Variants in IQCH observed in about 807,000 individuals in gnomAD.
IQCH encodes the protein IQ domain-containing protein H.
Under a neutral mutation model 117.0 loss-of-function variants are expected in IQCH, and 98 were observed. That is an observed-to-expected ratio of 0.84 (90% CI 0.71 to 0.99). The LOEUF is 0.99. Among genes scored for constraint, IQCH ranks in the 50% least tolerant of loss-of-function variants. The pLI is 0.00. For synonymous variants in IQCH, 412 were observed against 448.2 expected (o/e 0.92, Z 1.02); for missense variants, 1,102 against 1,243.8 (o/e 0.89, Z 1.72).
In IQCH at chr15:67,443,757, G is replaced by C. The variant is rs932032925; in HGVS notation, c.2506-21370G>C. On this transcript the variant is annotated intron_variant, in intron 16 of 20. Transcript: ENST00000335894. The surrounding 1 kb of genome is among the most constrained non-coding windows in gnomAD (Gnocchi z 5.0). ...CACTTCATCCTCTAGCCCTAGCTCAGATCTGAAGTATAGCACTGATGGCCA... is the reference window on the plus strand; with the variant it reads ...CACTTCATCCTCTAGCCCTAGCTCACATCTGAAGTATAGCACTGATGGCCA... Among the ~76,000 whole-genome samples the C allele has an allele frequency of 6.6e-6, 1 of 152,164 alleles. No individual in the cohort carries two copies. Among genetic ancestry groups the C allele is most frequent in the Non-Finnish European group, 1.5e-5 (1 of 68,036 alleles).
chr15:67,304,508 A>T, intron 4 of IQCH: 2 of 873,706 alleles, frequency 2.3e-6, no homozygotes, highest in Non-Finnish European at 3.5e-6. Flanking sequence ...AATAAAAGTC[A>T]TTTATTAGTA....
intron 1 of IQCH, among the ~76,000 whole-genome samples, chr15:67,258,186 T>G (rs1237003648): frequency 7.4e-6 from 1 of 135,436 alleles, no homozygotes; most frequent in Non-Finnish European, 1.6e-5. Context: ...GAGCCGAGAT[T>G]GCACCAGTAC....
rs184518155 is a variant in IQCH at position 67,337,840 on chromosome 15, A to G, written c.508+745A>G. ...TTAATTATTCCTTATCTCGCCTTCT[A>G]TCTGTTGTCTGGAATTTTTAGGACC... On this transcript the variant is annotated intron_variant, in intron 5 of 20. Coordinates refer to ENST00000335894, the MANE Select transcript of IQCH (RefSeq NM_001031715.3). Among the ~76,000 whole-genome samples, 49 of 152,254 alleles carry G rather than the reference A, an allele frequency of 3.2e-4. 1 individual carries two copies. The East Asian group carries it at 8.7e-3, about 27-fold the overall frequency.
intron 10 of IQCH, chr15:67,373,899 G>T: frequency 5.3e-6 from 1 of 188,454 alleles, no homozygotes; most frequent in Non-Finnish European, 1.1e-5. Flanking sequence ...ACGAGCAGAT[G>T]GGATGCTTTA....
intron 4 of IQCH, among the ~76,000 whole-genome samples, chr15:67,298,194 G>C (rs1431666499): frequency 6.6e-6 from 1 of 151,536 alleles, no homozygotes; most frequent in African/African-American, 2.4e-5. Context: ...TGTAATCCCA[G>C]CTACTTGGGA....
chr15:67,458,937 T>C lies in IQCH; in HGVS notation c.2506-6190T>C, dbSNP rs185905656. Among the ~76,000 whole-genome samples, 5 of 152,344 alleles carry C rather than the reference T, an allele frequency of 3.3e-5. No homozygotes were observed. The highest frequency in any genetic ancestry group is 1.2e-4 in the African/African-American group (5 of 41,578). On this transcript the variant is annotated intron_variant, in intron 16 of 20. Coordinates refer to ENST00000335894, the MANE Select transcript of IQCH (RefSeq NM_001031715.3). This position sits in a 1 kb window ranked among gnomAD's most constrained non-coding sequence, Gnocchi z 4.1. ...ACTGCATGTCTCAGAGTTGGCTTAT[T>C]TGGAGTGCCTGTCTTTTTAAAAATT...
At chr15:67,378,131 C>T (rs1757430424) in intron 10 of IQCH, among the ~76,000 whole-genome samples, 1 of 152,068 alleles carries the variant, frequency 6.6e-6, no homozygotes, top group Non-Finnish European at 1.5e-5. Flanking sequence ...GCTCTTCTGC[C>T]AAGAGATAAA....
intron 4 of IQCH, among the ~76,000 whole-genome samples, chr15:67,316,622 G>A (rs530283836): frequency 4.6e-5 from 7 of 152,298 alleles, no homozygotes; most frequent in African/African-American, 1.2e-4. Context: ...TGGGCATGGT[G>A]TTAAGTACAC....
At position 67,387,942 on chromosome 15, in the gene IQCH, A is replaced by G. The variant is rs117862906; in HGVS notation, c.1457-889A>G. 9.8e-3 allele frequency among the ~76,000 whole-genome samples: 1,485 copies of G among 152,242 alleles called. 12 individuals are homozygous for G. The highest frequency in any genetic ancestry group is 0.017 in the Non-Finnish European group (1,140 of 68,014). On this transcript the variant is annotated intron_variant, in intron 11 of 20. Transcript: ENST00000335894. This position sits in a 1 kb window ranked among gnomAD's most constrained non-coding sequence, Gnocchi z 4.8. ...GTGCTCCCTCCTCTGAACTTCTCTA[A>G]GTACCTGGTCTGCATGCTTCATCGT...
rs1596387686 is a variant in IQCH at position 67,443,430 on chromosome 15, G to C, written c.2506-21697G>C. Among the ~76,000 whole-genome samples, 1 of 152,156 alleles carries C rather than the reference G, an allele frequency of 6.6e-6. No homozygotes were observed. The highest frequency in any genetic ancestry group is 2.1e-4 in the South Asian group (1 of 4,830). ...ATCGACTTTGGGGACTTGGGGGAAA[G>C]AGTGGGAGGGGGTGAGGGACAAAAG... On this transcript the variant is annotated intron_variant, in intron 16 of 20. Coordinates refer to ENST00000335894, the MANE Select transcript of IQCH (RefSeq NM_001031715.3). The surrounding 1 kb of genome is among the most constrained non-coding windows in gnomAD (Gnocchi z 5.0).
intron 1 of IQCH, among the ~76,000 whole-genome samples, chr15:67,259,408 C>A (rs1387219886): frequency 6.6e-6 from 1 of 152,056 alleles, no homozygotes; most frequent in Non-Finnish European, 1.5e-5. Context: ...TTATCCTGGA[C>A]AAAGAAATTA....
Position 67,494,007 on chromosome 15 carries a change from G to A in IQCH, c.2862-251G>A, listed in dbSNP as rs112303407. ...CATCCTAGCTCAGTGGTAGACTTTC[G>A]CTAGAAATGACCTACCCTATTGGTA... On this transcript the variant is annotated intron_variant, in intron 19 of 20. Transcript: ENST00000335894. The surrounding 1 kb of genome is among the most constrained non-coding windows in gnomAD (Gnocchi z 5.5). 2.6e-4 allele frequency among the ~76,000 whole-genome samples: 39 copies of A among 152,246 alleles called. No homozygotes were observed. Among genetic ancestry groups the A allele is most frequent in the African/African-American group, 6.0e-4 (25 of 41,552 alleles).
Position 67,500,812 on chromosome 15 carries a change from G to A in IQCH, c.*66G>A. 1 of 771,336 alleles carries A rather than the reference G, an allele frequency of 1.3e-6. No individual in the cohort carries two copies. The highest frequency in any genetic ancestry group is 3.8e-4 in the Middle Eastern group (1 of 2,624). 47.8% of individuals were successfully genotyped at this position (771,336 alleles called of 1,614,324 possible). On this transcript the variant is annotated 3_prime_UTR_variant, in exon 21 of 21. Coordinates refer to ENST00000335894, the MANE Select transcript of IQCH (RefSeq NM_001031715.3). The surrounding 1 kb of genome is among the most constrained non-coding windows in gnomAD (Gnocchi z 4.4). ...AATAAAAAGGGCAATTTTTTTTTCT[G>A]TTAGAAATAAAAGCCAGGGGAAATT...
At chr15:67,292,968 T>G (rs2140507207) in intron 4 of IQCH, among the ~76,000 whole-genome samples, 1 of 152,324 alleles carries the variant, frequency 6.6e-6, no homozygotes, top group Non-Finnish European at 1.5e-5. Flanking sequence ...AACTAGGGCC[T>G]AGACAGTGCC....
intron 3 of IQCH, among the ~76,000 whole-genome samples, 178 bp from the exon 4 acceptor site, chr15:67,279,217 A>G (rs1195711797): frequency 6.6e-6 from 1 of 152,232 alleles, no homozygotes; most frequent in Admixed American, 6.5e-5. Context: ...ATGCTTAATA[A>G]AACAACTGCA....
chr15:67,354,369 A>C (rs1969797322), intron 6 of IQCH, among the ~76,000 whole-genome samples: 1 of 152,184 alleles, frequency 6.6e-6, no homozygotes, highest in African/African-American at 2.4e-5. Context: ...ACCAAAAGAA[A>C]AAAAAATCAT....
chr15:67,357,943 C>G (rs549675325), intron 7 of IQCH, among the ~76,000 whole-genome samples: 1 of 152,094 alleles, frequency 6.6e-6, no homozygotes, highest in South Asian at 2.1e-4. Context: ...ACTGCAACCT[C>G]TGCCTCCTGG....
In IQCH at chr15:67,381,808, C is replaced by G. The variant is rs191205723; in HGVS notation, c.1373-3128C>G. On this transcript the variant is annotated intron_variant, in intron 10 of 20. Transcript: ENST00000335894. This position sits in a 1 kb window ranked among gnomAD's most constrained non-coding sequence, Gnocchi z 5.1. ...TCAGCCTGGGCAACATGGCGAAACC[C>G]TGGCTCTACAAAAATTACAAAAATT... Among the ~76,000 whole-genome samples, 283 of 151,956 alleles carry G rather than the reference C, an allele frequency of 1.9e-3. 4 individuals are homozygous for G. Among genetic ancestry groups the G allele is most frequent in the African/African-American group, 6.7e-3 (276 of 41,446 alleles).
intron 16 of IQCH, among the ~76,000 whole-genome samples, chr15:67,434,780 CTTTTCTT>C (rs2082095247): frequency 1.4e-5 from 2 of 138,748 alleles, no homozygotes; most frequent in Non-Finnish European, 1.5e-5. Flanking sequence ...CTTTTCTTTT[CTTTTCTT>C]TTTTTTTTTT....
Sources: gnomAD v4.1 joint callset for allele counts (sites outside exome capture counted in the v4.1 genomes callset) on GRCh38, gnomAD v4.1.1 for gene constraint, Gnocchi (gnomAD v3.1) non-coding constraint, MANE v1.5 for transcripts, NCBI Gene and HGNC (gene_info 2026-07-23, HGNC 2026-07-21) for gene names.